Variants in FGD6 observed in about 807,000 individuals in gnomAD.
The protein encoded by FGD6 is FYVE, RhoGEF and PH domain containing 6.
FGD6 carries 90 observed loss-of-function variants against 149.4 expected under a neutral mutation model. The observed-to-expected ratio is 0.60, with a 90% CI of 0.51 to 0.72. The LOEUF (loss-of-function observed/expected upper bound fraction) is 0.72, where lower values mean the gene tolerates loss of function less well. Among genes scored for constraint, FGD6 ranks in the 30% least tolerant of loss-of-function variants. The pLI is 0.00. For synonymous variants in FGD6, 527 were observed against 584.0 expected (o/e 0.90, Z 1.41); for missense variants, 1,437 against 1,684.8 (o/e 0.85, Z 2.57).
chr12:95,122,538 C>T (rs765536566), intron 8 of FGD6, among the ~76,000 whole-genome samples: 2 of 141,284 alleles, frequency 1.4e-5, no homozygotes, highest in Non-Finnish European at 3.0e-5. Flanking sequence ...TCCAGCTACT[C>T]GGGAGGCTCA....
intron 8 of FGD6, among the ~76,000 whole-genome samples, chr12:95,116,220 A>G (rs555453539): frequency 3.9e-5 from 6 of 152,308 alleles, no homozygotes; most frequent in African/African-American, 1.2e-4. Context: ...GCAAACATTT[A>G]ACATTTCTAT....
chr12:95,178,623 CGA>C lies in FGD6; in HGVS notation c.2442-5881_2442-5880del, dbSNP rs547672844. Among the ~76,000 whole-genome samples the C allele has an allele frequency of 1.7e-3, 254 of 152,074 alleles. 1 individual carries two copies. The highest frequency in any genetic ancestry group is 3.2e-3 in the Non-Finnish European group (220 of 67,976). On this transcript the variant is annotated intron_variant, in intron 2 of 20. Transcript: ENST00000343958. The stretch of plus-strand genomic sequence containing the variant: ...ATATATTGATTTTTAATCTTCTCTT[CGA>C]GAGGTTGCTTGATTAAAGGTTAAGA...
intron 9 of FGD6, among the ~76,000 whole-genome samples, chr12:95,112,402 C>T (rs1878855834): frequency 6.6e-6 from 1 of 152,066 alleles, no homozygotes; most frequent in Admixed American, 6.6e-5. Context: ...GAGTTCGAGA[C>T]CAGCCTGGCC....
chr12:95,113,296 T>C (rs1592837350), intron 9 of FGD6, among the ~76,000 whole-genome samples: 2 of 148,210 alleles, frequency 1.3e-5, no homozygotes, highest in Admixed American at 6.8e-5. Context: ...GCAGTGGCGC[T>C]ATCTCGGCTC....
chr12:95,085,571 T>A lies in FGD6; in HGVS notation c.4107+209A>T, dbSNP rs56385464. On this transcript the variant is annotated intron_variant, in intron 19 of 20. Transcript: ENST00000343958. ...ACACAAAAATTGCATTTTAATAATA[T>A]GGAAAATTCCTAACACATTTGAGAA... The A allele has an allele frequency of 1.7e-3, 891 of 534,840 alleles. 7 individuals carry two copies. Among genetic ancestry groups the A allele is most frequent in the African/African-American group, 0.016 (801 of 51,144 alleles). 33.1% of individuals were successfully genotyped at this position (534,840 alleles called of 1,614,324 possible).
chr12:95,082,151 T>C (rs1024688749), intron 20 of FGD6, among the ~76,000 whole-genome samples: 3 of 152,250 alleles, frequency 2.0e-5, no homozygotes, highest in Non-Finnish European at 4.4e-5. Context: ...TAATTTATTT[T>C]GGAAGTTGAT....
At chr12:95,122,794 A>G (rs903364842) in intron 8 of FGD6, among the ~76,000 whole-genome samples, 2 of 150,358 alleles carry the variant, frequency 1.3e-5, no homozygotes, top group Admixed American at 6.6e-5. Flanking sequence ...AGAAAGTGTC[A>G]TCTCGGGAGG....
intron 5 of FGD6, among the ~76,000 whole-genome samples, chr12:95,144,334 G>T (rs112148833): frequency 9.2e-5 from 14 of 152,006 alleles, no homozygotes; most frequent in African/African-American, 3.1e-4. Context: ...TAAAATAGCA[G>T]AAGTACACTT....
rs117811327 is a variant in FGD6 at position 95,166,711 on chromosome 12, T to A, written c.2586+5889A>T. On this transcript the variant is annotated intron_variant, in intron 3 of 20. Transcript: ENST00000343958. ...GAGCGAGACCCCATCTCAAAAAAAATAAATAAATAAATAAAAAGAAACTCC... is the reference window on the plus strand; with the variant it reads ...GAGCGAGACCCCATCTCAAAAAAAAAAAATAAATAAATAAAAAGAAACTCC... 4.5e-3 allele frequency among the ~76,000 whole-genome samples: 680 copies of A among 151,956 alleles called. 9 individuals are homozygous for A. Among genetic ancestry groups the A allele is most frequent in the East Asian group, 0.031 (162 of 5,168 alleles).
chr12:95,094,752 CTTCTTTT>C, intron 14 of FGD6, 58 bp from the exon 15 acceptor site: 1 of 1,296,556 alleles, frequency 7.7e-7, no homozygotes, highest in Non-Finnish European at 1.1e-6. Flanking sequence ...TTTCCTTTTT[CTTCTTTT>C]CTTTCTCCCA....
In FGD6 at chr12:95,133,321, G is replaced by A. The variant is rs951719308; in HGVS notation, c.3082+1418C>T. ...TAATCCCAGCTACACAGGAGGCTGA[G>A]GCAGGAGAATCGCTTGAACCTGGGA... On this transcript the variant is annotated intron_variant, in intron 8 of 20. Transcript: ENST00000343958. 2.0e-5 allele frequency among the ~76,000 whole-genome samples: 3 copies of A among 152,308 alleles called. No homozygotes were observed. The South Asian group carries it at 6.2e-4, about 32-fold the overall frequency.
chr12:95,174,205 T>C (rs143317305), intron 2 of FGD6, among the ~76,000 whole-genome samples: 7 of 152,188 alleles, frequency 4.6e-5, no homozygotes, highest in East Asian at 3.9e-4. Context: ...GGATTCACTG[T>C]CTCTGGGTGC....
intron 14 of FGD6, among the ~76,000 whole-genome samples, chr12:95,096,007 C>CT (rs957139029): frequency 7.6e-6 from 1 of 131,772 alleles, no homozygotes; most frequent in African/African-American, 3.0e-5. Context: ...GAGCAACACA[C>CT]TGTCTCCAAA....
intron 3 of FGD6, among the ~76,000 whole-genome samples, chr12:95,167,448 G>A (rs570576777): frequency 2.6e-5 from 4 of 152,210 alleles, no homozygotes; most frequent in East Asian, 1.9e-4. Flanking sequence ...CCTCACTGAA[G>A]CATTGCTTTG....
At position 95,208,930 on chromosome 12, in the gene FGD6, T is replaced by A. The variant is rs758053806; in HGVS notation, c.2354A>T (p.Asp785Val). 6.2e-7 allele frequency: 1 copy of A among 1,614,150 alleles called. No homozygotes were observed. Among genetic ancestry groups the A allele is most frequent in the South Asian group, 1.1e-5 (1 of 91,080 alleles). ...LEWQNSSSMEDADANVYEVEE... is the reference protein window; with the variant it reads ...LEWQNSSSMEVADANVYEVEE... ...TACCTCATACACATTTGCATCAGCG[T>A]CCTCCATGCTGCTGGAATTCTGCCA... The change falls in exon 2 of 21, where the codon GAC (aspartate) becomes GTC (valine). Residue 785 changes from aspartate (D) to valine (V), a missense_variant. By Grantham distance (152) the Asp-to-Val change is radical. Transcript: ENST00000343958.
rs554262451 is a variant in FGD6 at position 95,078,706 on chromosome 12, C to G, written c.*2814G>C. 6.6e-6 allele frequency: 1 copy of G among 152,278 alleles called. No individual in the cohort carries two copies. The highest frequency in any genetic ancestry group is 2.1e-4 in the South Asian group (1 of 4,814). The allele number at this position is 152,278 out of a possible 1,614,324, so 9.4% of individuals were successfully genotyped here. On this transcript the variant is annotated 3_prime_UTR_variant, in exon 21 of 21. Transcript: ENST00000343958. ...GTGGATGATGCCAGAGATAATTACT[C>G]TCATTTTCTTAGGACTCTGATGGGT...
chr12:95,153,085 T>C, intron 3 of FGD6, 92 bp from the exon 4 acceptor site: 1 of 1,109,962 alleles, frequency 9.0e-7, no homozygotes, highest in East Asian at 2.4e-5. Flanking sequence ...CTCTGATACT[T>C]GTAAGTTTCC....
intron 3 of FGD6, among the ~76,000 whole-genome samples, chr12:95,162,469 G>A: frequency 6.6e-6 from 1 of 152,182 alleles, no homozygotes; most frequent in South Asian, 2.1e-4. Context: ...GGAGGCTGCA[G>A]TAAGTCAAGA....
At position 95,124,080 on chromosome 12, in the gene FGD6, AT is replaced by A. The variant is rs113140239; in HGVS notation, c.3083-10380del. On this transcript the variant is annotated intron_variant, in intron 8 of 20. Transcript: ENST00000343958. ...AGGTGTGTGCCACCATGCATGGCTA[AT>A]TTTTTTTTTTTAAAGAGGTGGGGTC... 8.1e-3 allele frequency among the ~76,000 whole-genome samples: 1,157 copies of A among 141,990 alleles called. 9 individuals carry two copies. The highest frequency in any genetic ancestry group is 0.013 in the Non-Finnish European group (826 of 64,940). 93.2% of individuals were successfully genotyped at this position (141,990 alleles called of 152,430 possible).
Sources: gnomAD v4.1 joint callset for allele counts (sites outside exome capture counted in the v4.1 genomes callset) on GRCh38, gnomAD v4.1.1 for gene constraint, MANE v1.5 for transcripts, NCBI Gene and HGNC (gene_info 2026-07-23, HGNC 2026-07-21) for gene names.